PHC2: variants seen among roughly 807,000 people sequenced by gnomAD.
The protein encoded by PHC2 is polyhomeotic-like protein 2.
In PHC2, 29 loss-of-function variants were observed where a neutral mutation model predicts 87.4. The observed-to-expected ratio is 0.33, with a 90% CI of 0.25 to 0.45. The LOEUF (loss-of-function observed/expected upper bound fraction) is 0.45. PHC2 is among the 20% of genes least tolerant of loss of function. The probability of loss-of-function intolerance (pLI) is 1.00; values close to 1 mark genes in which losing one functional copy is unlikely to be tolerated. For synonymous variants in PHC2, 438 were observed against 461.7 expected, an observed-to-expected ratio of 0.95 and a Z score of 0.66; for missense variants, 857 against 1,136.7, an observed-to-expected ratio of 0.75 and a Z score of 3.54.
At chr1:33,411,385 A>T (rs1355165104) in intron 1 of PHC2, among the ~76,000 whole-genome samples, 1 of 152,134 alleles carries the variant, frequency 6.6e-6, no homozygotes, top group Non-Finnish European at 1.5e-5. Flanking sequence ...GAGATTCTAA[A>T]CTACCTTAAG....
At chr1:33,403,090 G>GT (rs1156821998) in intron 1 of PHC2, among the ~76,000 whole-genome samples, 3 of 149,956 alleles carry the variant, frequency 2.0e-5, no homozygotes, top group African/African-American at 7.4e-5. Flanking sequence ...CAAAGTGCTG[G>GT]GATTACAGGC....
chr1:33,387,539 T>C (rs1648826650), intron 1 of PHC2, among the ~76,000 whole-genome samples: 1 of 152,230 alleles, frequency 6.6e-6, no homozygotes, highest in Admixed American at 6.5e-5. Context: ...TAAATGATAA[T>C]AATTCTTGCC....
At position 33,332,446 on chromosome 1, in the gene PHC2, AGCG is replaced by A; in HGVS notation, c.1762-45_1762-43del. ...ACGGAGGCCGTGAGGGTCAGGTGGG[AGCG>A]GCTTCCTTGCTATCCATCCTCATCA... On this transcript the variant is annotated intron_variant, in intron 10 of 14. Coordinates refer to ENST00000683057, the MANE Select transcript of PHC2 (RefSeq NM_001385109.1). This position sits in a 1 kb window ranked among gnomAD's most constrained non-coding sequence, Gnocchi z 4.2. 3.1e-6 allele frequency: 5 copies of A among 1,612,758 alleles called. No individual in the cohort carries two copies. The highest frequency in any genetic ancestry group is 4.2e-6 in the Non-Finnish European group (5 of 1,179,132).
At chr1:33,346,863 G>A in intron 9 of PHC2, 1 of 985,394 alleles carries the variant, frequency 1.0e-6, no homozygotes, top group Non-Finnish European at 1.2e-6. Context: ...ACACCTACGA[G>A]CACACCAGTA....
intron 1 of PHC2, among the ~76,000 whole-genome samples, chr1:33,426,139 G>C (rs1557851003): frequency 6.6e-6 from 1 of 152,160 alleles, no homozygotes; most frequent in African/African-American, 2.4e-5. Context: ...AAACCTAATT[G>C]GTTCTCAGTT....
chr1:33,349,227 A>G lies in PHC2; in HGVS notation c.1558+5174T>C, dbSNP rs1570469895. The G allele has an allele frequency of 1.0e-6, 1 of 985,396 alleles. No homozygotes were observed. Among genetic ancestry groups the G allele is most frequent in the East Asian group, 1.1e-4 (1 of 8,810 alleles). The allele number at this position is 985,396 out of a possible 1,614,324, so 61.0% of individuals were successfully genotyped here. On this transcript the variant is annotated intron_variant, in intron 9 of 14. Transcript: ENST00000683057. The surrounding 1 kb of genome is among the most constrained non-coding windows in gnomAD (Gnocchi z 4.2). Reference sequence around the variant, plus strand: ...AAGATAGGGAGTCCACCACCAATAAAGTACGGCAGATGCCAGCAGTCTCGT... The same window carrying G: ...AAGATAGGGAGTCCACCACCAATAAGGTACGGCAGATGCCAGCAGTCTCGT...
At chr1:33,363,699 CAGCA>C in intron 7 of PHC2, 12 of 963,654 alleles carry the variant, frequency 1.2e-5, no homozygotes, top group Non-Finnish European at 1.2e-5. Context: ...CCTTTTATCA[CAGCA>C]TATCCCTCCC....
At chr1:33,422,042 C>T (rs1363016722) in intron 1 of PHC2, among the ~76,000 whole-genome samples, 3 of 152,146 alleles carry the variant, frequency 2.0e-5, no homozygotes, top group Non-Finnish European at 4.4e-5. Context: ...TGCAATGACC[C>T]TCCTCAAATG....
Position 33,354,396 on chromosome 1 carries a change from C to T in PHC2, c.1558+5G>A. On this transcript the variant is annotated splice_donor_5th_base_variant and intron_variant, in intron 9 of 14. Transcript: ENST00000683057. Reference sequence around the variant, plus strand: ...CCTCCCCCAGGGCCCCACTGTGCTTCATACCGTGAGCTGGGGACGGCTGGA... The same window carrying T: ...CCTCCCCCAGGGCCCCACTGTGCTTTATACCGTGAGCTGGGGACGGCTGGA... 6.2e-7 allele frequency: 1 copy of T among 1,610,938 alleles called. No individual in the cohort carries two copies. Among genetic ancestry groups the T allele is most frequent in the Non-Finnish European group, 8.5e-7 (1 of 1,178,600 alleles).
At chr1:33,357,810 G>A (rs1647120475) in intron 7 of PHC2, among the ~76,000 whole-genome samples, 1 of 152,222 alleles carries the variant, frequency 6.6e-6, no homozygotes, top group African/African-American at 2.4e-5. Context: ...ATCTGCAAAT[G>A]TTGGGCATGT....
chr1:33,346,723 T>C, intron 9 of PHC2: 2 of 985,356 alleles, frequency 2.0e-6, no homozygotes, highest in Non-Finnish European at 2.4e-6. Flanking sequence ...GGAACTTTAC[T>C]TGGCAAATGG....
intron 9 of PHC2, 121 bp downstream of exon 9, chr1:33,354,280 C>T: frequency 1.1e-6 from 1 of 901,214 alleles, no homozygotes; most frequent in Non-Finnish European, 1.7e-6. Context: ...TTTCCAACCC[C>T]CCAGCTTCCT....
intron 1 of PHC2, among the ~76,000 whole-genome samples, chr1:33,389,059 T>TAAAA (rs72505785): frequency 7.3e-6 from 1 of 137,872 alleles, no homozygotes; most frequent in Non-Finnish European, 1.5e-5. Context: ...ATGTTCTTGT[T>TAAAA]AAAAAAAAAA....
intron 1 of PHC2, among the ~76,000 whole-genome samples, chr1:33,378,883 G>C (rs892130100): frequency 9.9e-5 from 15 of 151,840 alleles, no homozygotes; most frequent in African/African-American, 2.9e-4. Context: ...CATTTAAGAG[G>C]GGAAGAAAAT....
intron 9 of PHC2, among the ~76,000 whole-genome samples, chr1:33,336,161 G>C (rs192968339): frequency 6.6e-6 from 1 of 151,830 alleles, no homozygotes; most frequent in Non-Finnish European, 1.5e-5. Context: ...GCTAATTTTT[G>C]TATTTTTAGT....
intron 7 of PHC2, among the ~76,000 whole-genome samples, chr1:33,361,952 T>C (rs571771516): frequency 2.6e-4 from 40 of 152,282 alleles, no homozygotes; most frequent in African/African-American, 9.1e-4. Context: ...AAATGGAGGT[T>C]TACAGAGCTT....
At position 33,367,289 on chromosome 1, in the gene PHC2, C is replaced by T. The variant is rs1238705570; in HGVS notation, c.803G>A (p.Ser268Asn). The T allele has an allele frequency of 1.2e-6, 2 of 1,614,054 alleles. No individual in the cohort carries two copies. Among genetic ancestry groups the T allele is most frequent in the Non-Finnish European group, 1.7e-6 (2 of 1,180,048 alleles). Residue 268 changes from serine (S) to asparagine (N), a missense_variant, in exon 7 of 15, where the codon AGC (serine) becomes AAC (asparagine). Around this residue, in one of 3 missense-constraint regions of PHC2, gnomAD observed 832 missense variants for 1,081.8 expected, o/e 0.77. Transcript: ENST00000683057. ...GSQPLPTPAQ[S>N]RNTAQASPAG... ...AGGGGAAGCCTGAGCAGTATTTCTG[C>T]TCTGTGCTGGGGTAGGCAGAGGCTG...
chr1:33,414,214 C>A (rs1218442130), intron 1 of PHC2, among the ~76,000 whole-genome samples: 1 of 151,204 alleles, frequency 6.6e-6, no homozygotes, highest in Non-Finnish European at 1.5e-5. Flanking sequence ...CACACACACA[C>A]ACACAAGAAA....
intron 1 of PHC2, among the ~76,000 whole-genome samples, chr1:33,388,642 A>G (rs1440291863): frequency 1.3e-5 from 2 of 152,106 alleles, no homozygotes; most frequent in Non-Finnish European, 2.9e-5. Context: ...ATGAAGAGTT[A>G]TTGGGAAAAG....
Sources: allele counts gnomAD v4.1 joint callset (sites outside exome capture counted in the v4.1 genomes callset), GRCh38; gene constraint gnomAD v4.1.1; regional missense constraint gnomAD v4.1.1; non-coding constraint Gnocchi (gnomAD v3.1); transcripts MANE v1.5; gene names NCBI Gene and HGNC (gene_info 2026-07-23, HGNC 2026-07-21).